RASGRF2: variants seen among roughly 807,000 people sequenced by gnomAD.
RASGRF2 encodes the protein ras-specific guanine nucleotide-releasing factor 2.
Under a neutral mutation model 151.0 loss-of-function variants are expected in RASGRF2, and 76 were observed. That is an observed-to-expected ratio of 0.50 (90% CI 0.42 to 0.61). The LOEUF (loss-of-function observed/expected upper bound fraction) is 0.61. RASGRF2 is among the 20% of genes least tolerant of loss of function. The probability of loss-of-function intolerance (pLI) is 0.00; values close to 1 mark genes in which losing one functional copy is unlikely to be tolerated. For synonymous variants in RASGRF2, 504 were observed against 566.5 expected, an observed-to-expected ratio of 0.89 and a Z score of 1.57; for missense variants, 1,148 against 1,564.6, an observed-to-expected ratio of 0.73 and a Z score of 4.49.
At chr5:81,162,159 C>T (rs2112640668) in intron 17 of RASGRF2, among the ~76,000 whole-genome samples, 1 of 145,932 alleles carries the variant, frequency 6.9e-6, no homozygotes, top group Middle Eastern at 3.6e-3. Flanking sequence ...TTCTCCTTTG[C>T]TCTGCTGGAA....
At chr5:80,996,740 C>T (rs866680150) in intron 1 of RASGRF2, among the ~76,000 whole-genome samples, 1 of 151,066 alleles carries the variant, frequency 6.6e-6, no homozygotes, top group African/African-American at 2.4e-5. Flanking sequence ...GCTGGGACCA[C>T]AGGCACGTGC....
At chr5:81,159,467 G>A (rs146471721) in intron 17 of RASGRF2, among the ~76,000 whole-genome samples, 27 of 152,314 alleles carry the variant, frequency 1.8e-4, no homozygotes, top group Admixed American at 5.2e-4. Flanking sequence ...AAAAGACCAC[G>A]TACTCTACGA....
At chr5:81,050,908 G>T (rs1451770974) in intron 2 of RASGRF2, among the ~76,000 whole-genome samples, 1 of 152,128 alleles carries the variant, frequency 6.6e-6, no homozygotes, top group African/African-American at 2.4e-5. Context: ...AGAAATGCAT[G>T]TACTGATTTA....
In RASGRF2 at chr5:81,228,640, TG is replaced by T. The variant is rs1197659489; in HGVS notation, c.*2871del. ...TGCTTTCGAATGAATGCCCACATTT[TG>T]TACTGTCAACGAAATTATCTTGGAG... On this transcript the variant is annotated 3_prime_UTR_variant, in exon 27 of 27. Coordinates refer to ENST00000265080, the MANE Select transcript of RASGRF2 (RefSeq NM_006909.3). 1 of 152,226 alleles carries T rather than the reference TG, an allele frequency of 6.6e-6. No homozygotes were observed. Among genetic ancestry groups the T allele is most frequent in the Non-Finnish European group, 1.5e-5 (1 of 68,044 alleles). 9.4% of individuals were successfully genotyped at this position (152,226 alleles called of 1,614,324 possible). A position where few individuals can be genotyped will look rare whatever the true frequency, so the allele number is the denominator to read the frequency against.
chr5:81,133,187 C>T (rs1455109770), intron 17 of RASGRF2, among the ~76,000 whole-genome samples: 1 of 152,224 alleles, frequency 6.6e-6, no homozygotes, highest in Non-Finnish European at 1.5e-5. Context: ...GCACACTCTT[C>T]TGGTGACTAG....
At chr5:81,065,661 G>A (rs1360510951) in intron 2 of RASGRF2, among the ~76,000 whole-genome samples, 1 of 152,124 alleles carries the variant, frequency 6.6e-6, no homozygotes, top group Non-Finnish European at 1.5e-5. Context: ...GTTTACATTT[G>A]CTGCTTCCGA....
At chr5:81,130,084 T>G (rs1753577375) in intron 17 of RASGRF2, among the ~76,000 whole-genome samples, 1 of 152,206 alleles carries the variant, frequency 6.6e-6, no homozygotes, top group African/African-American at 2.4e-5. Flanking sequence ...GCTTTTCTGT[T>G]GCCTTTTTTC....
At chr5:81,194,231 C>T (rs1755212302) in intron 18 of RASGRF2, among the ~76,000 whole-genome samples, 1 of 151,544 alleles carries the variant, frequency 6.6e-6, no homozygotes, top group African/African-American at 2.4e-5. Flanking sequence ...TAGCATGTGC[C>T]TGTAGTCCCA....
At chr5:80,976,206 T>C (rs1304897710) in intron 1 of RASGRF2, among the ~76,000 whole-genome samples, 2 of 152,214 alleles carry the variant, frequency 1.3e-5, no homozygotes. Context: ...AACATTGTTT[T>C]GTGTTATACG....
rs942457425 is a variant in RASGRF2 at position 81,180,625 on chromosome 5, T to C, written c.2793+344T>C. On this transcript the variant is annotated intron_variant, in intron 18 of 26. Coordinates refer to ENST00000265080, the MANE Select transcript of RASGRF2 (RefSeq NM_006909.3). ...TGGGAGCACTTTTCACAGGGTCTTC[T>C]CTGTAAGTGGAGCTATGCTTGAGAG... Among the ~76,000 whole-genome samples, 3 of 152,010 alleles carry C rather than the reference T, an allele frequency of 2.0e-5. No individual in the cohort carries two copies. In the South Asian group the frequency reaches 6.2e-4, roughly 32 times the overall value.
intron 7 of RASGRF2, among the ~76,000 whole-genome samples, chr5:81,085,461 G>A (rs1013438254): frequency 2.0e-5 from 3 of 152,084 alleles, no homozygotes; most frequent in Non-Finnish European, 4.4e-5. Flanking sequence ...CAAGTGACTT[G>A]ATGATAGCTG....
In RASGRF2 at chr5:81,127,133, A is replaced by C; in HGVS notation, c.2656A>C (p.Thr886Pro). ...ACCGGCTTCTGCTTTTGCAATAGCC[A>C]CAGCTGCAGCAGGACATGGGAGTCC... The part of the protein sequence containing the change: ...VSPASAFAIA[T>P]AAAGHGSPPG... Residue 886 changes from threonine (T) to proline (P), a missense_variant, in exon 17 of 27, where the codon ACA becomes CCA. Physicochemically the swap from Thr to Pro is conservative, Grantham distance 38. Around this residue, in one of 5 missense-constraint regions of RASGRF2, gnomAD observed 646 missense variants for 807.4 expected, o/e 0.80. Transcript: ENST00000265080. 1 of 1,614,064 alleles carries C rather than the reference A, an allele frequency of 6.2e-7. No individual in the cohort carries two copies. The highest frequency in any genetic ancestry group is 8.5e-7 in the Non-Finnish European group (1 of 1,179,972).
intron 12 of RASGRF2, among the ~76,000 whole-genome samples, chr5:81,101,049 T>C (rs1752685799): frequency 6.6e-6 from 1 of 152,188 alleles, no homozygotes; most frequent in Admixed American, 6.5e-5. Context: ...TGAACATACG[T>C]ACTCCCAGAT....
chr5:81,168,230 T>G (rs1754558009), intron 17 of RASGRF2, among the ~76,000 whole-genome samples: 1 of 151,658 alleles, frequency 6.6e-6, no homozygotes, highest in Non-Finnish European at 1.5e-5. Context: ...TCTCCTGCAG[T>G]TACCCTTTTC....
intron 17 of RASGRF2, among the ~76,000 whole-genome samples, chr5:81,138,999 T>C (rs1753821269): frequency 6.6e-6 from 1 of 152,218 alleles, no homozygotes; most frequent in Non-Finnish European, 1.5e-5. Flanking sequence ...AATGCACATC[T>C]TAACAATACT....
At chr5:81,145,518 G>A (rs114619132) in intron 17 of RASGRF2, among the ~76,000 whole-genome samples, 3,219 of 152,292 alleles carry the variant, frequency 0.021, 103 homozygotes, top group African/African-American at 0.072. Flanking sequence ...CAAATAAAGC[G>A]GAAGTGATCG....
At chr5:80,997,036 A>G (rs553355167) in intron 1 of RASGRF2, 2 of 152,276 alleles carry the variant, frequency 1.3e-5, no homozygotes, top group East Asian at 3.9e-4. Context: ...CTGAGTCAAC[A>G]TTTTCAGCCA....
Position 81,225,789 on chromosome 5 carries a change from G to C in RASGRF2, c.*19G>C, listed in dbSNP as rs1755967562. The stretch of plus-strand genomic sequence containing the variant: ...TGCTTGAAGATCTGGCCTTGCCCCT[G>C]AGTCCACGGGATGTTCATGGAAAGC... On this transcript the variant is annotated 3_prime_UTR_variant, in exon 27 of 27. Coordinates refer to ENST00000265080, the MANE Select transcript of RASGRF2 (RefSeq NM_006909.3). 6.2e-7 allele frequency: 1 copy of C among 1,606,606 alleles called. No homozygotes were observed. Among genetic ancestry groups the C allele is most frequent in the East Asian group, 2.2e-5 (1 of 44,742 alleles).
intron 22 of RASGRF2, among the ~76,000 whole-genome samples, chr5:81,210,388 T>C (rs1755605111): frequency 6.6e-6 from 1 of 152,216 alleles, no homozygotes; most frequent in South Asian, 2.1e-4. Context: ...TAACTCTTTC[T>C]CTGGGCATGA....
Sources: allele counts gnomAD v4.1 joint callset (sites outside exome capture counted in the v4.1 genomes callset), GRCh38; gene constraint gnomAD v4.1.1; regional missense constraint gnomAD v4.1.1; transcripts MANE v1.5; gene names NCBI Gene and HGNC (gene_info 2026-07-23, HGNC 2026-07-21).